The following ERAP1 variants were observed in gnomAD, a reference collection of about 807,000 sequenced individuals.
ERAP1 encodes endoplasmic reticulum aminopeptidase 1, also known as adipocyte-derived leucine aminopeptidase.
ERAP1 carries 86 observed loss-of-function variants against 103.7 expected under a neutral mutation model. The ratio of observed to expected loss-of-function variants is 0.83; its 90% CI spans 0.70 to 0.99. The LOEUF (loss-of-function observed/expected upper bound fraction) is 0.99, where lower values mean the gene tolerates loss of function less well. Ranked by LOEUF, ERAP1 falls within the 50% of genes least tolerant of loss-of-function variation. ERAP1 has a pLI of 0.00. For missense variants in ERAP1, 1,009 were observed against 1,128.4 expected (o/e 0.89, Z 1.52); for synonymous variants, 398 against 402.4 (o/e 0.99, Z 0.13).
At chr5:96,868,720 C>T in the ERAP1 span, among the ~76,000 whole-genome samples, 5 of 152,132 alleles carry the variant, frequency 3.3e-5, no homozygotes, top group African/African-American at 1.2e-4. Context: ...CAATTAATTC[C>T]ATTTGGGAAA....
At chr5:96,878,719 G>A in the ERAP1 span, among the ~76,000 whole-genome samples, 1 of 152,114 alleles carries the variant, frequency 6.6e-6, no homozygotes, top group Admixed American at 6.5e-5. Flanking sequence ...CCTGAGGTCA[G>A]GAGTTCGAGA....
chr5:96,887,487 A>G, the ERAP1 span, among the ~76,000 whole-genome samples: 2 of 152,044 alleles, frequency 1.3e-5, no homozygotes, highest in African/African-American at 2.4e-5. Flanking sequence ...ATTTGTAGAG[A>G]TGGGGTTTCA....
the ERAP1 span, among the ~76,000 whole-genome samples, chr5:96,822,713 T>C: frequency 6.6e-6 from 1 of 152,262 alleles, no homozygotes; most frequent in South Asian, 2.1e-4. Context: ...CCCATTTGTA[T>C]TAGTTCCTTT....
the ERAP1 span, among the ~76,000 whole-genome samples, chr5:96,877,426 G>T: frequency 0.02 from 2,999 of 151,446 alleles, 110 homozygotes; most frequent in African/African-American, 0.069. Context: ...GTGGGGGCGA[G>T]CTACTCCTTC....
chr5:96,822,970 T>C, the ERAP1 span: 2 of 444,458 alleles, frequency 4.5e-6, no homozygotes, highest in Non-Finnish European at 9.1e-6. Flanking sequence ...CCACTTTCAG[T>C]CTCACTCAGG....
intron 3 of ERAP1, among the ~76,000 whole-genome samples, chr5:96,798,731 C>T (rs1326619709): frequency 6.6e-6 from 1 of 151,644 alleles, no homozygotes; most frequent in African/African-American, 2.4e-5. Context: ...TTCTTAATAC[C>T]CATCAGCCAC....
chr5:96,863,887 T>C, the ERAP1 span, among the ~76,000 whole-genome samples: 7 of 152,300 alleles, frequency 4.6e-5, no homozygotes, highest in South Asian at 1.5e-3. Context: ...TCCTTTAGTA[T>C]CACTTCTTAT....
chr5:96,861,541 A>G, the ERAP1 span, among the ~76,000 whole-genome samples: 1 of 152,206 alleles, frequency 6.6e-6, no homozygotes, highest in Non-Finnish European at 1.5e-5. Context: ...GAAAGCCTTA[A>G]TCAGAATTGG....
chr5:96,828,109 A>C, the ERAP1 span, among the ~76,000 whole-genome samples: 2 of 152,290 alleles, frequency 1.3e-5, no homozygotes, highest in Middle Eastern at 6.8e-3. Context: ...CAAATGTAAA[A>C]ATTTTCTAAT....
At chr5:96,823,534 ATCT>A in the ERAP1 span, among the ~76,000 whole-genome samples, 2 of 152,158 alleles carry the variant, frequency 1.3e-5, no homozygotes, top group Non-Finnish European at 2.9e-5. Context: ...ATGGGCAAAA[ATCT>A]TCATCCTTCA....
At chr5:96,879,783 G>T in the ERAP1 span, 1 of 1,614,154 alleles carries the variant, frequency 6.2e-7, no homozygotes, top group Non-Finnish European at 8.5e-7. Flanking sequence ...CCCCAAATAT[G>T]CATTTGTTCT....
At chr5:96,908,583 T>C in the ERAP1 span, among the ~76,000 whole-genome samples, 1 of 152,216 alleles carries the variant, frequency 6.6e-6, no homozygotes, top group Non-Finnish European at 1.5e-5. Flanking sequence ...AATGAAATCA[T>C]GTGTAAAAAG....
At chr5:96,798,955 C>T (rs998293064) in intron 3 of ERAP1, among the ~76,000 whole-genome samples, 5 of 146,764 alleles carry the variant, frequency 3.4e-5, no homozygotes, top group African/African-American at 1.3e-4. Context: ...GCAACCTCCA[C>T]CTCCAGAGTT....
intron 18 of ERAP1, chr5:96,779,381 G>C (rs3334): frequency 0.091 from 13,818 of 152,282 alleles, 824 homozygotes; most frequent in Middle Eastern, 0.16. Context: ...TCAGTCATCA[G>C]ACAGAGTATC....
At chr5:96,763,063 A>G (rs939283813) in exon 20 of ERAP1, 1 of 764,982 alleles carries the variant, frequency 1.3e-6, no homozygotes, top group Non-Finnish European at 2.4e-6. Flanking sequence ...CCAGATCCCC[A>G]TCTCCTTTGG....
chr5:96,820,283 TA>T, the ERAP1 span, among the ~76,000 whole-genome samples: 16 of 152,000 alleles, frequency 1.1e-4, no homozygotes, highest in Non-Finnish European at 2.1e-4. Flanking sequence ...CAACATAGCT[TA>T]AAAAAAGACA....
rs26614 is a variant in ERAP1 at position 96,799,453 on chromosome 5, A to C, written c.663+1409T>G. Among the ~76,000 whole-genome samples the C allele has an allele frequency of 4.6e-5, 7 of 152,066 alleles. No homozygotes were observed. The South Asian group carries it at 1.4e-3, about 31-fold the overall frequency. On this transcript the variant is annotated intron_variant, in intron 3 of 18. Coordinates refer to ENST00000443439, the MANE Select transcript of ERAP1 (RefSeq NM_001040458.3). Reference sequence around the variant, plus strand: ...ATTAGAAGTTTTCCTATCCTCAAAAAAAAAAAAGAAGTTTTCCTATCTTCA... The same window carrying C: ...ATTAGAAGTTTTCCTATCCTCAAAACAAAAAAAGAAGTTTTCCTATCTTCA...
chr5:96,845,161 A>G, the ERAP1 span, among the ~76,000 whole-genome samples: 3,488 of 152,316 alleles, frequency 0.023, 113 homozygotes, highest in East Asian at 0.12. Flanking sequence ...AAATTGATTT[A>G]AAAAATAAGA....
upstream of ERAP1, chr5:96,808,008 G>A (rs1778860425): frequency 1.0e-6 from 1 of 985,476 alleles, no homozygotes; most frequent in Non-Finnish European, 1.2e-6. Flanking sequence ...AGCGGCAGGC[G>A]GGGAAGCCCC....
Sources: allele counts gnomAD v4.1 joint callset (sites outside exome capture counted in the v4.1 genomes callset), GRCh38; gene constraint gnomAD v4.1.1; transcripts MANE v1.5; gene names NCBI Gene and HGNC (gene_info 2026-07-23, HGNC 2026-07-21).